MYO9A: variants seen among roughly 807,000 people sequenced by gnomAD.
MYO9A encodes the protein myosin IXA, also known as unconventional myosin-IXa.
Under a neutral mutation model 293.3 loss-of-function variants are expected in MYO9A, and 103 were observed. The ratio of observed to expected loss-of-function variants is 0.35; its 90% CI spans 0.30 to 0.41. The LOEUF (loss-of-function observed/expected upper bound fraction) is 0.41. MYO9A is among the 10% of genes least tolerant of loss of function. The probability of loss-of-function intolerance (pLI) is 1.00; values close to 1 mark genes in which losing one functional copy is unlikely to be tolerated. For missense variants in MYO9A, 2,685 were observed against 3,033.0 expected, an observed-to-expected ratio of 0.89 and a Z score of 2.69; for synonymous variants, 1,001 against 1,035.7, an observed-to-expected ratio of 0.97 and a Z score of 0.64.
Position 72,066,313 on chromosome 15 carries a change from C to A in MYO9A, c.-71-19679G>T, listed in dbSNP as rs2079019584. Among the ~76,000 whole-genome samples the A allele has an allele frequency of 2.0e-5, 3 of 151,886 alleles. No homozygotes were observed. In the South Asian group the frequency reaches 6.2e-4, roughly 31 times the overall value. ...ACCATCCTAGCCAACATGGTGAAAC[C>A]CGCCTCTACTAAAACTACAATAATT... On this transcript the variant is annotated intron_variant, in intron 1 of 41. Transcript: ENST00000356056.
At chr15:72,064,392 A>G (rs2078960264) in intron 1 of MYO9A, among the ~76,000 whole-genome samples, 1 of 152,222 alleles carries the variant, frequency 6.6e-6, no homozygotes. Flanking sequence ...TGTGATTATT[A>G]TACACCGTAT....
In MYO9A at chr15:71,822,656, C is replaced by T. The variant is rs1397551038; in HGVS notation, c.*3924G>A. 8 of 152,060 alleles carry T rather than the reference C, an allele frequency of 5.3e-5. No individual in the cohort carries two copies. Among genetic ancestry groups the T allele is most frequent in the Non-Finnish European group, 7.4e-5 (5 of 68,004 alleles). 9.4% of individuals were successfully genotyped at this position (152,060 alleles called of 1,614,324 possible). A position where few individuals can be genotyped will look rare whatever the true frequency, so the allele number is the denominator to read the frequency against. On this transcript the variant is annotated 3_prime_UTR_variant, in exon 42 of 42. Coordinates refer to ENST00000356056, the MANE Select transcript of MYO9A (RefSeq NM_006901.4). ...TAAAATCCATTAAAATAATATAATA[C>T]GAATCTGTAGTCCACACCTTTCCCA...
intron 14 of MYO9A, among the ~76,000 whole-genome samples, chr15:71,952,484 G>C (rs2059074249): frequency 6.6e-6 from 1 of 152,108 alleles, no homozygotes; most frequent in African/African-American, 2.4e-5. Context: ...CACTTCTTAG[G>C]AAAATAGGAT....
At position 72,046,364 on chromosome 15, in the gene MYO9A, T is replaced by C. The variant is rs767143538; in HGVS notation, c.200A>G (p.Lys67Arg). 18 of 1,613,990 alleles carry C rather than the reference T, an allele frequency of 1.1e-5. No individual in the cohort carries two copies. The highest frequency in any genetic ancestry group is 1.4e-5 in the Non-Finnish European group (16 of 1,179,868). ...KTKCYVLAEV[K>R]EFGGEEWILN... ...AATCCATTCTTCTCCACCAAATTCC[T>C]TTACCTCTGCTAGAACATAACATTT... The change falls in exon 2 of 42, where the codon AAG becomes AGG. Residue 67 changes from lysine to arginine, a missense_variant. Lys to Arg is a conservative substitution (Grantham distance 26). Coordinates refer to ENST00000356056, the MANE Select transcript of MYO9A (RefSeq NM_006901.4).
chr15:72,033,147 A>G (rs1265284758), intron 2 of MYO9A, among the ~76,000 whole-genome samples: 5 of 152,148 alleles, frequency 3.3e-5, no homozygotes, highest in African/African-American at 4.8e-5. Flanking sequence ...CACTGCACCC[A>G]GCCAAAATAA....
intron 4 of MYO9A, among the ~76,000 whole-genome samples, chr15:72,021,549 T>A (rs1023579444): frequency 2.0e-5 from 3 of 152,164 alleles, no homozygotes; most frequent in Admixed American, 6.5e-5. Context: ...TTATTTGAAC[T>A]GTCTGGTGGT....
At chr15:72,105,314 C>T (rs1365077550) in intron 1 of MYO9A, among the ~76,000 whole-genome samples, 2 of 151,962 alleles carry the variant, frequency 1.3e-5, no homozygotes, top group African/African-American at 4.8e-5. Context: ...ACCTCGAACT[C>T]CTGGGCTCAA....
chr15:71,987,145 A>G (rs762726675), intron 11 of MYO9A, among the ~76,000 whole-genome samples: 3 of 152,226 alleles, frequency 2.0e-5, no homozygotes, highest in East Asian at 1.9e-4. Flanking sequence ...GCAATAGGCT[A>G]TATCATATAG....
intron 32 of MYO9A, among the ~76,000 whole-genome samples, 155 bp downstream of exon 32, chr15:71,875,636 T>A (rs2056659506): frequency 6.6e-6 from 1 of 152,188 alleles, no homozygotes; most frequent in African/African-American, 2.4e-5. Context: ...TCACATCTAA[T>A]CATTCTAAAT....
At chr15:71,994,770 T>C (rs867632788) in intron 9 of MYO9A, among the ~76,000 whole-genome samples, 185 bp from the exon 10 acceptor site, 7 of 152,256 alleles carry the variant, frequency 4.6e-5, no homozygotes, top group Non-Finnish European at 7.3e-5. Context: ...TTGGCTCTCA[T>C]TGGCCACGCT....
At chr15:72,079,073 C>T (rs947997709) in intron 1 of MYO9A, among the ~76,000 whole-genome samples, 1 of 152,164 alleles carries the variant, frequency 6.6e-6, no homozygotes, top group South Asian at 2.1e-4. Context: ...TCAAAACCCA[C>T]AGGATGTAGG....
intron 1 of MYO9A, among the ~76,000 whole-genome samples, chr15:72,081,569 T>A (rs2079547343): frequency 6.6e-6 from 1 of 152,206 alleles, no homozygotes; most frequent in African/African-American, 2.4e-5. Context: ...CTTTGTCAAT[T>A]TTTGCTTTTG....
chr15:71,956,031 G>A (rs1334516705), intron 14 of MYO9A, among the ~76,000 whole-genome samples: 1 of 151,806 alleles, frequency 6.6e-6, no homozygotes, highest in Non-Finnish European at 1.5e-5. Flanking sequence ...ACCAGGCATG[G>A]TGGCTCGCAC....
intron 39 of MYO9A, among the ~76,000 whole-genome samples, chr15:71,835,542 T>C (rs890044819): frequency 5.9e-5 from 9 of 152,162 alleles, no homozygotes; most frequent in African/African-American, 9.7e-5. Flanking sequence ...CATTTAAATA[T>C]TAAATACCTA....
intron 36 of MYO9A, 110 bp from the exon 37 acceptor site, chr15:71,851,468 G>T: frequency 1.3e-6 from 1 of 745,446 alleles, no homozygotes; most frequent in South Asian, 2.4e-5. Flanking sequence ...TTTAGGAGTA[G>T]TTGTACCTGT....
rs2056664898 is a variant in MYO9A at position 71,875,830 on chromosome 15, T to G, written c.5940A>C (p.Lys1980Asn). 1.4e-6 allele frequency: 2 copies of G among 1,380,868 alleles called. No individual in the cohort carries two copies. Among genetic ancestry groups the G allele is most frequent in the African/African-American group, 3.0e-5 (2 of 66,642 alleles). 85.5% of individuals were successfully genotyped at this position (1,380,868 alleles called of 1,614,324 possible). The change falls in exon 32 of 42, where the codon AAA (lysine) becomes AAC (asparagine). Residue 1980 changes from lysine to asparagine, a missense_variant. Around this residue, in one of 10 missense-constraint regions of MYO9A, gnomAD observed 1,434 missense variants for 1,497.7 expected, o/e 0.96. Coordinates refer to ENST00000356056, the MANE Select transcript of MYO9A (RefSeq NM_006901.4). ...TSDCTATKVPKTERKKRRKKE... is the reference protein window; with the variant it reads ...TSDCTATKVPNTERKKRRKKE... The stretch of plus-strand genomic sequence containing the variant: ...TTTTCCTTCTTTTCTTTCTTTCTGT[T>G]TTTGGCACCTGACAGGGGGACAGGA...
chr15:71,842,474 C>T (rs1384163849), intron 39 of MYO9A, among the ~76,000 whole-genome samples: 1 of 152,168 alleles, frequency 6.6e-6, no homozygotes, highest in African/African-American at 2.4e-5. Context: ...GATTAAATAA[C>T]TTGCCCATAT....
chr15:71,916,964 T>A (rs1439360872), intron 18 of MYO9A, among the ~76,000 whole-genome samples: 2 of 152,198 alleles, frequency 1.3e-5, no homozygotes, highest in African/African-American at 4.8e-5. Context: ...AGCAAATAGT[T>A]GTAGCAGTTT....
chr15:72,016,210 CAAG>C (rs1182442635), intron 6 of MYO9A, among the ~76,000 whole-genome samples: 8 of 152,044 alleles, frequency 5.3e-5, no homozygotes, highest in Admixed American at 2.0e-4. Context: ...CCTCAGAACA[CAAG>C]GAGATACTTA....
Sources: allele counts gnomAD v4.1 joint callset (sites outside exome capture counted in the v4.1 genomes callset), GRCh38; gene constraint gnomAD v4.1.1; regional missense constraint gnomAD v4.1.1; transcripts MANE v1.5; gene names NCBI Gene and HGNC (gene_info 2026-07-23, HGNC 2026-07-21).